Variants in AGFG1 observed in about 807,000 individuals in gnomAD.
The protein encoded by AGFG1 is arf-GAP domain and FG repeat-containing protein 1.
In AGFG1, 10 loss-of-function variants were observed where a neutral mutation model predicts 60.6. The observed-to-expected ratio is 0.16, with a 90% CI of 0.10 to 0.28. AGFG1 has a LOEUF of 0.28. AGFG1 is among the 10% of genes least tolerant of loss of function. The probability of loss-of-function intolerance (pLI) is 1.00; values close to 1 mark genes in which losing one functional copy is unlikely to be tolerated. For missense variants in AGFG1, 537 were observed against 676.5 expected, an observed-to-expected ratio of 0.79 and a Z score of 2.29; for synonymous variants, 247 against 242.9, an observed-to-expected ratio of 1.02 and a Z score of -0.16.
In AGFG1 at chr2:227,533,649, T is replaced by C. The variant is rs1416698626; in HGVS notation, c.915T>C (p.His305=). The change falls in exon 7 of 13, where the codon CAT becomes CAC. Residue 305 remains histidine (H), a synonymous_variant. Coordinates refer to ENST00000310078, the MANE Select transcript of AGFG1 (RefSeq NM_004504.5). ...DFGTFNTSQS[H]QTASAVSKVS... Reference sequence around the variant, plus strand: ...GAACCTTCAATACTTCCCAGAGTCATCAAACAGCATCAGCTGTTAGTAAAG... The same window carrying C: ...GAACCTTCAATACTTCCCAGAGTCACCAAACAGCATCAGCTGTTAGTAAAG... The C allele has an allele frequency of 6.2e-7, 1 of 1,613,666 alleles. No homozygotes were observed. Among genetic ancestry groups the C allele is most frequent in the East Asian group, 2.2e-5 (1 of 44,868 alleles).
chr2:227,496,839 A>T (rs1690988576), intron 2 of AGFG1, among the ~76,000 whole-genome samples: 2 of 152,302 alleles, frequency 1.3e-5, no homozygotes, highest in South Asian at 4.1e-4. Context: ...TGGTTTCTGT[A>T]GGGGGATTTT....
At chr2:227,525,147 G>T (rs1691954030) in intron 5 of AGFG1, among the ~76,000 whole-genome samples, 1 of 152,134 alleles carries the variant, frequency 6.6e-6, no homozygotes, top group Admixed American at 6.5e-5. Flanking sequence ...AATGGGGAAA[G>T]GATGTAATGT....
chr2:227,502,414 G>C (rs994073757), intron 2 of AGFG1, among the ~76,000 whole-genome samples: 1 of 152,050 alleles, frequency 6.6e-6, no homozygotes, highest in African/African-American at 2.4e-5. Context: ...TCCGCCTTCT[G>C]GGTTCAGTTG....
At chr2:227,534,425 C>T (rs938733935) in intron 7 of AGFG1, among the ~76,000 whole-genome samples, 5 of 152,110 alleles carry the variant, frequency 3.3e-5, no homozygotes, top group Non-Finnish European at 5.9e-5. Flanking sequence ...AAATGTTTCC[C>T]GTTATTACCA....
chr2:227,475,935 C>A (rs1559162644), intron 1 of AGFG1, among the ~76,000 whole-genome samples: 1 of 152,162 alleles, frequency 6.6e-6, no homozygotes, highest in African/African-American at 2.4e-5. Flanking sequence ...AAATAGTATC[C>A]ACTATCATGA....
At chr2:227,517,193 C>T (rs1447370892) in intron 2 of AGFG1, among the ~76,000 whole-genome samples, 1 of 152,140 alleles carries the variant, frequency 6.6e-6, no homozygotes, top group Non-Finnish European at 1.5e-5. Context: ...AGTTCTCACT[C>T]GTTTTAACTG....
chr2:227,472,523 G>T lies in AGFG1; in HGVS notation c.102G>T (p.Gln34His). Residue 34 changes from glutamine (Q) to histidine (H), a missense_variant, in exon 1 of 13, where the codon CAG becomes CAT. By Grantham distance (24) the Gln-to-His change is conservative. Coordinates refer to ENST00000310078, the MANE Select transcript of AGFG1 (RefSeq NM_004504.5). The stretch of plus-strand genomic sequence containing the variant: ...ACCGAAAGTGCTTCGACTGCGACCA[G>T]CGCGGCCCCACCTACGTTAACATGA... ...PHNRKCFDCD[Q>H]RGPTYVNMTV... The T allele has an allele frequency of 6.3e-7, 1 of 1,583,158 alleles. No homozygotes were observed. Among genetic ancestry groups the T allele is most frequent in the Non-Finnish European group, 8.6e-7 (1 of 1,164,612 alleles).
intron 2 of AGFG1, among the ~76,000 whole-genome samples, chr2:227,515,168 G>A (rs991887373): frequency 6.6e-6 from 1 of 151,982 alleles, no homozygotes; most frequent in Non-Finnish European, 1.5e-5. Context: ...CAATCCATCC[G>A]TTTGGGCCTC....
intron 10 of AGFG1, among the ~76,000 whole-genome samples, chr2:227,542,266 T>G (rs1211034062): frequency 6.6e-6 from 1 of 152,234 alleles, no homozygotes; most frequent in African/African-American, 2.4e-5. Flanking sequence ...CTTCCAGTTT[T>G]TGCCCATTCA....
chr2:227,488,245 T>C (rs1487111030), intron 1 of AGFG1, among the ~76,000 whole-genome samples: 2 of 152,228 alleles, frequency 1.3e-5, no homozygotes, highest in Non-Finnish European at 2.9e-5. Flanking sequence ...TATGAATACC[T>C]TCTTTGTGCA....
chr2:227,536,189 C>T (rs2106224128), intron 8 of AGFG1, among the ~76,000 whole-genome samples: 1 of 128,274 alleles, frequency 7.8e-6, no homozygotes, highest in Admixed American at 8.7e-5. Context: ...CCCCGACAGG[C>T]CCCCAAGTGT....
intron 1 of AGFG1, among the ~76,000 whole-genome samples, chr2:227,475,796 C>T (rs1240545076): frequency 1.3e-5 from 2 of 152,096 alleles, no homozygotes; most frequent in African/African-American, 4.8e-5. Context: ...TGATACACAT[C>T]GTTACTGTAT....
At chr2:227,508,540 G>T (rs535963445) in intron 2 of AGFG1, 3 of 456,754 alleles carry the variant, frequency 6.6e-6, no homozygotes, top group African/African-American at 4.1e-5. Flanking sequence ...ATCTATATGT[G>T]AGGTAGGGAG....
chr2:227,485,948 G>A (rs1022899029), intron 1 of AGFG1, among the ~76,000 whole-genome samples: 4 of 152,066 alleles, frequency 2.6e-5, no homozygotes, highest in Non-Finnish European at 5.9e-5. Context: ...ATTTTTGTGC[G>A]ATAATTTTTA....
chr2:227,525,301 G>A (rs1317862725), intron 5 of AGFG1, among the ~76,000 whole-genome samples: 1 of 152,092 alleles, frequency 6.6e-6, no homozygotes, highest in Non-Finnish European at 1.5e-5. Flanking sequence ...TTTAGACATA[G>A]TATTAGTTTA....
chr2:227,479,639 T>G (rs1236745352), intron 1 of AGFG1, among the ~76,000 whole-genome samples: 1 of 152,286 alleles, frequency 6.6e-6, no homozygotes, highest in East Asian at 1.9e-4. Context: ...CGGGACTAGG[T>G]TTTACTACTC....
intron 10 of AGFG1, among the ~76,000 whole-genome samples, chr2:227,551,307 A>C (rs1434298626): frequency 1.3e-5 from 2 of 152,024 alleles, no homozygotes; most frequent in Non-Finnish European, 2.9e-5. Context: ...TACCTTCCAT[A>C]AGAGGGTGGG....
intron 6 of AGFG1, among the ~76,000 whole-genome samples, chr2:227,531,616 A>G (rs1364588087): frequency 1.5e-5 from 2 of 129,038 alleles, no homozygotes; most frequent in African/African-American, 5.9e-5. Context: ...TTTTTTTGGT[A>G]GCAGCTGGGT....
chr2:227,536,510 G>T, intron 8 of AGFG1, 115 bp from the exon 9 acceptor site: 1 of 738,826 alleles, frequency 1.4e-6, no homozygotes, highest in South Asian at 1.8e-5. Context: ...TTTTCTTTGT[G>T]TTGATACTGA....
Sources: gnomAD v4.1 joint callset for allele counts (sites outside exome capture counted in the v4.1 genomes callset) on GRCh38, gnomAD v4.1.1 for gene constraint, MANE v1.5 for transcripts, NCBI Gene and HGNC (gene_info 2026-07-23, HGNC 2026-07-21) for gene names.